The following NEBL variants were observed in gnomAD, a reference collection of about 807,000 sequenced individuals.
NEBL encodes nebulette.
In NEBL, 122 loss-of-function variants were observed where a neutral mutation model predicts 140.2. That is an observed-to-expected ratio of 0.87 (90% CI 0.75 to 1.01). NEBL has a LOEUF of 1.01. Ranked by LOEUF, NEBL falls within the 50% of genes least tolerant of loss-of-function variation. The pLI is 0.00. For missense variants in NEBL, 1,365 were observed against 1,231.3 expected, an observed-to-expected ratio of 1.11 and a Z score of -1.62; for synonymous variants, 436 against 398.9, an observed-to-expected ratio of 1.09 and a Z score of -1.11.
chr10:21,092,999 G>A (rs1473747030), intron 2 of NEBL, among the ~76,000 whole-genome samples: 1 of 152,022 alleles, frequency 6.6e-6, no homozygotes, highest in Admixed American at 6.6e-5. Flanking sequence ...TCTCTGATGT[G>A]GGAACAGTTT....
At chr10:20,861,780 T>G (rs1472444848) in intron 7 of NEBL, among the ~76,000 whole-genome samples, 1 of 152,126 alleles carries the variant, frequency 6.6e-6, no homozygotes, top group Non-Finnish European at 1.5e-5. Context: ...ACTGATAAAT[T>G]CCTTTGTTAT....
Position 20,897,289 on chromosome 10 carries a change from G to A in NEBL, c.-84C>T, listed in dbSNP as rs71578974. Reference sequence around the variant, plus strand: ...ACCACAGTGCCCTTGAGATGCTGACGTCTCTGGTGCTCTGGCAGAAATGCC... The same window carrying A: ...ACCACAGTGCCCTTGAGATGCTGACATCTCTGGTGCTCTGGCAGAAATGCC... On this transcript the variant is annotated 5_prime_UTR_variant, in exon 1 of 28. In the 5' UTR this introduces an upstream ATG that the reference lacks. Transcript: ENST00000377122. 2.2e-3 allele frequency: 3,278 copies of A among 1,514,214 alleles called. 4 individuals carry two copies. Among genetic ancestry groups the A allele is most frequent in the Non-Finnish European group, 2.7e-3 (3,033 of 1,140,258 alleles). The allele number at this position is 1,514,214 out of a possible 1,614,324, so 93.8% of individuals were successfully genotyped here.
chr10:21,130,975 A>G (rs936207709), intron 2 of NEBL, among the ~76,000 whole-genome samples: 4 of 152,092 alleles, frequency 2.6e-5, no homozygotes, highest in Non-Finnish European at 4.4e-5. Flanking sequence ...TTGAAAAGAT[A>G]ATAAAATCAA....
At chr10:21,020,910 C>T (rs1384149452) in intron 2 of NEBL, among the ~76,000 whole-genome samples, 1 of 152,150 alleles carries the variant, frequency 6.6e-6, no homozygotes, top group African/African-American at 2.4e-5. Flanking sequence ...AGCTTTGGGG[C>T]CTCTCTGTGA....
chr10:21,082,898 G>T (rs1836451932), intron 2 of NEBL, among the ~76,000 whole-genome samples: 1 of 151,746 alleles, frequency 6.6e-6, no homozygotes. Flanking sequence ...AAATAGCTGG[G>T]ATTACAGGCG....
intron 3 of NEBL, among the ~76,000 whole-genome samples, chr10:21,183,436 T>G (rs1841415896): frequency 1.3e-5 from 2 of 151,672 alleles, no homozygotes; most frequent in Admixed American, 6.6e-5. Flanking sequence ...TCAGCAAACT[T>G]AACAGGGCAA....
At chr10:21,169,049 CAAAAAAAAAAAA>C (rs147147865) in intron 2 of NEBL, among the ~76,000 whole-genome samples, 6 of 25,530 alleles carry the variant, frequency 2.4e-4, no homozygotes, top group South Asian at 2.1e-3. Flanking sequence ...ACTCCGTCTA[CAAAAAAAAAAAA>C]AAAAAAATAT....
chr10:21,172,221 C>G (rs1841104533), intron 2 of NEBL: 8 of 664,752 alleles, frequency 1.2e-5, no homozygotes, highest in South Asian at 1.2e-4. Context: ...AAGCAGTGAT[C>G]GTCAACAAAG....
At chr10:20,835,373 T>C (rs897675519) in intron 14 of NEBL, 140 bp downstream of exon 14, 5 of 766,668 alleles carry the variant, frequency 6.5e-6, no homozygotes, top group Non-Finnish European at 1.2e-5. Context: ...ACTGGCATAA[T>C]GCTTCGGAAT....
intron 2 of NEBL, chr10:21,113,243 GA>G: frequency 3.7e-6 from 1 of 272,850 alleles, no homozygotes; most frequent in African/African-American, 3.4e-5. Context: ...TTCCACCATG[GA>G]AAAGACTCAA....
rs188097341 is a variant in NEBL, at chr10:20,879,290, G to A, written c.480+1504C>T. 3.9e-3 allele frequency among the ~76,000 whole-genome samples: 595 copies of A among 152,244 alleles called. 2 individuals carry two copies. The highest frequency in any genetic ancestry group is 0.012 in the African/African-American group (498 of 41,540). Reference sequence around the variant, plus strand: ...TCAGTACAGGGTTTTCATGAGAATCGGAAATGATCAAAGTCCTGGCATAGT... The same window carrying A: ...TCAGTACAGGGTTTTCATGAGAATCAGAAATGATCAAAGTCCTGGCATAGT... On this transcript the variant is annotated intron_variant, in intron 5 of 27. Transcript: ENST00000377122.
intron 2 of NEBL, among the ~76,000 whole-genome samples, chr10:21,100,952 T>G (rs979572149): frequency 2.0e-5 from 3 of 152,212 alleles, no homozygotes; most frequent in Admixed American, 1.3e-4. Flanking sequence ...TAATCGAAGT[T>G]TCCATTCCCA....
At chr10:20,982,396 C>A (rs1837088011) in intron 3 of NEBL, among the ~76,000 whole-genome samples, 1 of 152,068 alleles carries the variant, frequency 6.6e-6, no homozygotes, top group African/African-American at 2.4e-5. Flanking sequence ...AGCAAGAATT[C>A]TTTTTCTAGA....
intron 4 of NEBL, among the ~76,000 whole-genome samples, chr10:20,926,420 C>T (rs1396183296): frequency 6.6e-6 from 1 of 152,114 alleles, no homozygotes; most frequent in African/African-American, 2.4e-5. Flanking sequence ...TTTATGATCT[C>T]ATTTTTCCTT....
At chr10:21,186,177 A>C (rs1010099574) in intron 3 of NEBL, among the ~76,000 whole-genome samples, 6 of 151,858 alleles carry the variant, frequency 4.0e-5, no homozygotes, top group African/African-American at 1.5e-4. Context: ...TATGCATAGA[A>C]AGCTGTTACA....
chr10:21,213,167 A>G (rs1023776755), intron 3 of NEBL, among the ~76,000 whole-genome samples: 11 of 152,320 alleles, frequency 7.2e-5, no homozygotes, highest in Non-Finnish European at 1.0e-4. Context: ...TTATTATGCC[A>G]TTTCTGTTTA....
chr10:21,043,789 A>G (rs532460229), intron 2 of NEBL, among the ~76,000 whole-genome samples: 1 of 150,852 alleles, frequency 6.6e-6, no homozygotes, highest in South Asian at 2.1e-4. Context: ...ATCATGTTAT[A>G]TTTATTCAAC....
intron 4 of NEBL, among the ~76,000 whole-genome samples, chr10:20,928,813 C>T (rs1445705404): frequency 6.6e-6 from 1 of 152,150 alleles, no homozygotes; most frequent in Non-Finnish European, 1.5e-5. Flanking sequence ...TTAATTAAAG[C>T]ACGCTTTTGT....
At chr10:20,931,039 A>C (rs1834158257) in intron 4 of NEBL, among the ~76,000 whole-genome samples, 1 of 152,172 alleles carries the variant, frequency 6.6e-6, no homozygotes, top group African/African-American at 2.4e-5. Flanking sequence ...GAAAGACATC[A>C]CAACTCTGAG....
Sources: allele counts gnomAD v4.1 joint callset (sites outside exome capture counted in the v4.1 genomes callset), GRCh38; gene constraint gnomAD v4.1.1; transcripts MANE v1.5; gene names NCBI Gene and HGNC (gene_info 2026-07-23, HGNC 2026-07-21).